BCAS3: variants seen among roughly 807,000 people sequenced by gnomAD.
The protein encoded by BCAS3 is BCAS4/BCAS3 fusion.
In BCAS3, 53 loss-of-function variants were observed where a neutral mutation model predicts 116.1. The observed-to-expected ratio is 0.46, with a 90% CI of 0.37 to 0.57. BCAS3 has a LOEUF of 0.57. BCAS3 is among the 20% of genes least tolerant of loss of function. The pLI, the probability that BCAS3 is intolerant of heterozygous loss-of-function variation, is 0.00. For missense variants in BCAS3, 917 were observed against 1,165.4 expected, an observed-to-expected ratio of 0.79 and a Z score of 3.10; for synonymous variants, 391 against 408.2, an observed-to-expected ratio of 0.96 and a Z score of 0.51.
Position 61,122,789 on chromosome 17 carries a change from T to C in BCAS3, c.2425+38225T>C, listed in dbSNP as rs987256118. ...AATATGTATATATGATGTTCATATA[T>C]TTAGCATCTGTTGTCAATACAGCAA... On this transcript the variant is annotated intron_variant, in intron 22 of 23. Coordinates refer to ENST00000407086, the MANE Select transcript of BCAS3 (RefSeq NM_017679.5). The surrounding 1 kb of genome is among the most constrained non-coding windows in gnomAD (Gnocchi z 4.6). Among the ~76,000 whole-genome samples the C allele has an allele frequency of 6.6e-6, 1 of 152,232 alleles. No homozygotes were observed. Among genetic ancestry groups the C allele is most frequent in the African/African-American group, 2.4e-5 (1 of 41,464 alleles).
At chr17:60,957,587 A>G (rs778748400) in intron 14 of BCAS3, among the ~76,000 whole-genome samples, 3 of 152,140 alleles carry the variant, frequency 2.0e-5, no homozygotes, top group Non-Finnish European at 4.4e-5. Context: ...GGTTTTTGTT[A>G]TGTTTTTACA....
intron 22 of BCAS3, among the ~76,000 whole-genome samples, chr17:61,149,383 A>G (rs1439912616): frequency 1.3e-5 from 2 of 152,168 alleles, no homozygotes; most frequent in Non-Finnish European, 2.9e-5. Context: ...GTTCAGTTAT[A>G]TATTTTGATC....
At position 61,276,244 on chromosome 17, in the gene BCAS3, T is replaced by C. The variant is rs1172318265; in HGVS notation, c.2426-92083T>C. Among the ~76,000 whole-genome samples the C allele has an allele frequency of 6.6e-6, 1 of 151,972 alleles. No individual in the cohort carries two copies. Among genetic ancestry groups the C allele is most frequent in the Non-Finnish European group, 1.5e-5 (1 of 67,980 alleles). On this transcript the variant is annotated intron_variant, in intron 22 of 23. Coordinates refer to ENST00000407086, the MANE Select transcript of BCAS3 (RefSeq NM_017679.5). The surrounding 1 kb of genome is among the most constrained non-coding windows in gnomAD (Gnocchi z 4.2). ...GGTGAGCACCTGTAATCCCAGCTACTTGGGAGAGTGAGGCAGGAGAATCGC... is the reference window on the plus strand; with the variant it reads ...GGTGAGCACCTGTAATCCCAGCTACCTGGGAGAGTGAGGCAGGAGAATCGC...
intron 5 of BCAS3, among the ~76,000 whole-genome samples, chr17:60,731,344 C>A (rs1467305599): frequency 6.6e-6 from 1 of 152,162 alleles, no homozygotes; most frequent in Non-Finnish European, 1.5e-5. Flanking sequence ...TCTTAAGTAG[C>A]TGGGATTACA....
rs1373678107 is a variant in BCAS3 at position 61,276,848 on chromosome 17, G to A, written c.2426-91479G>A. 6.6e-6 allele frequency among the ~76,000 whole-genome samples: 1 copy of A among 152,132 alleles called. No homozygotes were observed. Among genetic ancestry groups the A allele is most frequent in the Non-Finnish European group, 1.5e-5 (1 of 68,030 alleles). ...TCAAGACAGTGTGGTACTGGCATAA[G>A]GATAGACATATACCATAATGGAATA... On this transcript the variant is annotated intron_variant, in intron 22 of 23. Coordinates refer to ENST00000407086, the MANE Select transcript of BCAS3 (RefSeq NM_017679.5). This position sits in a 1 kb window ranked among gnomAD's most constrained non-coding sequence, Gnocchi z 4.2.
At chr17:60,800,164 G>A (rs944400479) in intron 6 of BCAS3, among the ~76,000 whole-genome samples, 51 of 152,012 alleles carry the variant, frequency 3.4e-4, no homozygotes, top group Middle Eastern at 3.2e-3. Context: ...GTTCATTTTG[G>A]TAATTACCAA....
At chr17:61,353,654 G>C (rs1329122624) in intron 22 of BCAS3, 1 of 152,220 alleles carries the variant, frequency 6.6e-6, no homozygotes, top group Non-Finnish European at 1.5e-5. Context: ...AGCAGTGTGC[G>C]GCGTGAGGGA....
chr17:60,683,969 C>A lies in BCAS3; in HGVS notation c.84-13C>A. On this transcript the variant is annotated splice_polypyrimidine_tract_variant and intron_variant, in intron 2 of 23. Transcript: ENST00000407086. ...CTCTCCTGACCAGTGTTGTCCATTTCACCCTTTTCCAGAGAGCAGTCCTAC... is the reference window on the plus strand; with the variant it reads ...CTCTCCTGACCAGTGTTGTCCATTTAACCCTTTTCCAGAGAGCAGTCCTAC... 1 of 1,611,816 alleles carries A rather than the reference C, an allele frequency of 6.2e-7. No individual in the cohort carries two copies. The highest frequency in any genetic ancestry group is 8.5e-7 in the Non-Finnish European group (1 of 1,178,086).
intron 5 of BCAS3, 52 bp from the exon 6 acceptor site, chr17:60,747,146 T>C: frequency 3.2e-6 from 4 of 1,247,318 alleles, no homozygotes; most frequent in Non-Finnish European, 3.5e-6. Flanking sequence ...TATATAATAC[T>C]GTTGTGACCT....
At chr17:61,328,262 A>G (rs1234039363) in intron 22 of BCAS3, among the ~76,000 whole-genome samples, 1 of 152,214 alleles carries the variant, frequency 6.6e-6, no homozygotes, top group African/African-American at 2.4e-5. Context: ...TAGAAGCATA[A>G]AGCTCCATTA....
chr17:61,134,794 C>T lies in BCAS3; in HGVS notation c.2425+50230C>T, dbSNP rs1268642752. 6.6e-6 allele frequency among the ~76,000 whole-genome samples: 1 copy of T among 152,116 alleles called. No homozygotes were observed. Among genetic ancestry groups the T allele is most frequent in the Non-Finnish European group, 1.5e-5 (1 of 68,010 alleles). ...TAAGTAACATCTCCAAATCACAGAA[C>T]TAGAATTATTCATGAAGAGTCAGCC... On this transcript the variant is annotated intron_variant, in intron 22 of 23. Transcript: ENST00000407086. This position sits in a 1 kb window ranked among gnomAD's most constrained non-coding sequence, Gnocchi z 4.6.
At chr17:60,815,730 A>G (rs1024033480) in intron 7 of BCAS3, among the ~76,000 whole-genome samples, 6 of 152,232 alleles carry the variant, frequency 3.9e-5, no homozygotes, top group Admixed American at 1.3e-4. Context: ...ACAAGACAGC[A>G]AATAGAATAG....
chr17:60,920,822 A>T (rs2059033823), intron 12 of BCAS3, among the ~76,000 whole-genome samples: 1 of 152,012 alleles, frequency 6.6e-6, no homozygotes, highest in African/African-American at 2.4e-5. Flanking sequence ...GTGAACCGAG[A>T]TCATGCCACT....
chr17:60,953,237 A>G lies in BCAS3; in HGVS notation c.1221+5885A>G, dbSNP rs2060937076. Among the ~76,000 whole-genome samples, 3 of 152,294 alleles carry G rather than the reference A, an allele frequency of 2.0e-5. No homozygotes were observed. The South Asian group carries it at 6.2e-4, about 32-fold the overall frequency. On this transcript the variant is annotated intron_variant, in intron 14 of 23. Transcript: ENST00000407086. The stretch of plus-strand genomic sequence containing the variant: ...GAACTAACTTACACTCTAACAGTGT[A>G]TAAGCGTTCCCTTTTCTCCACAACC...
chr17:61,284,058 T>C (rs553655609), intron 22 of BCAS3, among the ~76,000 whole-genome samples: 1 of 152,278 alleles, frequency 6.6e-6, no homozygotes, highest in East Asian at 1.9e-4. Context: ...AACTTTTCTG[T>C]CTAGCTAAAG....
chr17:60,811,494 CA>C, intron 7 of BCAS3: 1 of 454,440 alleles, frequency 2.2e-6, no homozygotes. Context: ...TTTGGGGAGC[CA>C]GGAGGCCAAT....
chr17:61,227,285 T>C lies in BCAS3; in HGVS notation c.2426-141042T>C, dbSNP rs2082420578. 1.3e-5 allele frequency among the ~76,000 whole-genome samples: 2 copies of C among 152,224 alleles called. No homozygotes were observed. Among genetic ancestry groups the C allele is most frequent in the Non-Finnish European group, 2.9e-5 (2 of 68,050 alleles). ...AAAAAAATGCAGATACTCATACATATACAATGTCGCATGTGCTTTCAGGGG... is the reference window on the plus strand; with the variant it reads ...AAAAAAATGCAGATACTCATACATACACAATGTCGCATGTGCTTTCAGGGG... On this transcript the variant is annotated intron_variant, in intron 22 of 23. Transcript: ENST00000407086. This position sits in a 1 kb window ranked among gnomAD's most constrained non-coding sequence, Gnocchi z 6.1.
chr17:60,884,553 T>C (rs1218156081), intron 9 of BCAS3, among the ~76,000 whole-genome samples: 1 of 147,346 alleles, frequency 6.8e-6, no homozygotes, highest in Admixed American at 6.7e-5. Flanking sequence ...CTATTTTGGA[T>C]CTTTCCTGCT....
intron 6 of BCAS3, among the ~76,000 whole-genome samples, chr17:60,784,382 T>C (rs1485667772): frequency 6.9e-6 from 1 of 145,002 alleles, no homozygotes; most frequent in Non-Finnish European, 1.5e-5. Flanking sequence ...CACTGGAAGC[T>C]CCACCTCCCA....
Sources: allele counts gnomAD v4.1 joint callset (sites outside exome capture counted in the v4.1 genomes callset), GRCh38; gene constraint gnomAD v4.1.1; non-coding constraint Gnocchi (gnomAD v3.1); transcripts MANE v1.5; gene names NCBI Gene and HGNC (gene_info 2026-07-23, HGNC 2026-07-21).